The following KCNH8 variants were observed in gnomAD, a reference collection of about 807,000 sequenced individuals.
KCNH8 encodes the protein potassium voltage-gated channel subfamily H member 8.
KCNH8 carries 70 observed loss-of-function variants against 103.6 expected under a neutral mutation model. The observed-to-expected ratio is 0.68, with a 90% CI of 0.56 to 0.82. KCNH8 has a LOEUF of 0.82. KCNH8 is among the 40% of genes least tolerant of loss of function. KCNH8 has a pLI of 0.00. For synonymous variants in KCNH8, 498 were observed against 489.4 expected (o/e 1.02, Z -0.23); for missense variants, 1,217 against 1,329.9 (o/e 0.92, Z 1.32).
intron 11 of KCNH8, among the ~76,000 whole-genome samples, chr3:19,469,707 C>T (rs1347234120): frequency 2.0e-5 from 3 of 152,118 alleles, no homozygotes; most frequent in Non-Finnish European, 2.9e-5. Flanking sequence ...TGATTAGCAT[C>T]TCCCGAGCCT....
At chr3:19,210,790 T>A (rs973945106) in intron 1 of KCNH8, among the ~76,000 whole-genome samples, 93 of 152,240 alleles carry the variant, frequency 6.1e-4, no homozygotes, top group African/African-American at 2.1e-3. Flanking sequence ...AAATGAAGGA[T>A]GATGGTGAGA....
intron 5 of KCNH8, among the ~76,000 whole-genome samples, chr3:19,355,675 T>C (rs1171427659): frequency 2.6e-5 from 4 of 151,906 alleles, no homozygotes; most frequent in African/African-American, 9.7e-5. Context: ...TAGGTGGCAA[T>C]TGAACAATGA....
chr3:19,463,385 T>C (rs1358650922), intron 11 of KCNH8, among the ~76,000 whole-genome samples: 2 of 152,112 alleles, frequency 1.3e-5, no homozygotes, highest in African/African-American at 4.8e-5. Context: ...TGGAAGAATA[T>C]ATCCATAATG....
chr3:19,303,355 T>G lies in KCNH8; in HGVS notation c.442+22026T>G, dbSNP rs368767016. Among the ~76,000 whole-genome samples the G allele has an allele frequency of 9.2e-5, 14 of 152,240 alleles. 1 individual carries two copies. Among genetic ancestry groups the G allele is most frequent in the Admixed American group, 4.6e-4 (7 of 15,288 alleles). ...TAGAAAAGACAGTAAGAACAAAATT[T>G]TAGAAGCTGAAAAGCAAACAGATGA... On this transcript the variant is annotated intron_variant, in intron 3 of 15. Transcript: ENST00000328405.
intron 11 of KCNH8, among the ~76,000 whole-genome samples, chr3:19,506,829 T>G (rs1310837040): frequency 6.6e-6 from 1 of 152,016 alleles, no homozygotes; most frequent in Non-Finnish European, 1.5e-5. Flanking sequence ...GGACCCAAGC[T>G]GGGGGCACCC....
chr3:19,219,417 G>C (rs1343469071), intron 1 of KCNH8, among the ~76,000 whole-genome samples: 2 of 152,068 alleles, frequency 1.3e-5, no homozygotes, highest in East Asian at 1.9e-4. Context: ...CCTCTGAGGG[G>C]TCTTTGTCTT....
intron 2 of KCNH8, among the ~76,000 whole-genome samples, chr3:19,259,822 T>C (rs1179361010): frequency 6.6e-6 from 1 of 151,444 alleles, no homozygotes; most frequent in Non-Finnish European, 1.5e-5. Flanking sequence ...ACAGCAAAAA[T>C]AATTTATTTA....
intron 11 of KCNH8, among the ~76,000 whole-genome samples, chr3:19,500,944 A>T (rs1331405630): frequency 6.6e-6 from 1 of 152,184 alleles, no homozygotes; most frequent in African/African-American, 2.4e-5. Flanking sequence ...AACTGAAGGA[A>T]ATAGAGACAC....
intron 5 of KCNH8, among the ~76,000 whole-genome samples, chr3:19,354,414 C>T (rs149938239): frequency 0.098 from 14,938 of 152,148 alleles, 889 homozygotes; most frequent in East Asian, 0.17. Flanking sequence ...AAAGAGCCCG[C>T]ATTGCCAAGT....
chr3:19,278,054 G>A (rs991591192), intron 2 of KCNH8, among the ~76,000 whole-genome samples: 1 of 152,244 alleles, frequency 6.6e-6, no homozygotes, highest in Middle Eastern at 3.4e-3. Context: ...GTTGATCATT[G>A]TGCCCACAGG....
intron 7 of KCNH8, among the ~76,000 whole-genome samples, chr3:19,418,146 A>G (rs138216494): frequency 6.6e-6 from 1 of 152,332 alleles, no homozygotes; most frequent in African/African-American, 2.4e-5. Context: ...TCATCAGAGA[A>G]CATTTCAGGT....
intron 10 of KCNH8, among the ~76,000 whole-genome samples, chr3:19,453,160 G>T (rs968052489): frequency 2.0e-5 from 3 of 152,060 alleles, no homozygotes; most frequent in African/African-American, 7.2e-5. Context: ...GTGTACAGAT[G>T]GACATAGAGT....
chr3:19,292,619 C>T lies in KCNH8; in HGVS notation c.442+11290C>T, dbSNP rs575828064. The stretch of plus-strand genomic sequence containing the variant: ...TCATATTTCAAAGAGCATGGGACTG[C>T]GCAGCCCGTGGTTAGGAACAGTGGC... On this transcript the variant is annotated intron_variant, in intron 3 of 15. Coordinates refer to ENST00000328405, the MANE Select transcript of KCNH8 (RefSeq NM_144633.3). Among the ~76,000 whole-genome samples, 105 of 152,302 alleles carry T rather than the reference C, an allele frequency of 6.9e-4. 1 individual carries two copies. The South Asian group carries it at 0.022, about 32-fold the overall frequency.
chr3:19,255,378 G>T (rs1010747232), intron 2 of KCNH8, among the ~76,000 whole-genome samples: 2 of 152,128 alleles, frequency 1.3e-5, no homozygotes, highest in African/African-American at 2.4e-5. Context: ...AGACAATGGG[G>T]TTTTCTAGAT....
chr3:19,455,962 A>G (rs2067525936), intron 10 of KCNH8, among the ~76,000 whole-genome samples: 1 of 152,102 alleles, frequency 6.6e-6, no homozygotes, highest in Non-Finnish European at 1.5e-5. Context: ...CATTTTGGCT[A>G]TATTTACATC....
chr3:19,510,156 G>A (rs2068759183), intron 11 of KCNH8, among the ~76,000 whole-genome samples: 1 of 152,118 alleles, frequency 6.6e-6, no homozygotes, highest in Non-Finnish European at 1.5e-5. Flanking sequence ...AGTGGTCCTA[G>A]AGGATAGGAT....
intron 2 of KCNH8, among the ~76,000 whole-genome samples, chr3:19,274,616 A>G (rs1168304941): frequency 6.6e-6 from 1 of 152,088 alleles, no homozygotes; most frequent in African/African-American, 2.4e-5. Flanking sequence ...TGTATTGACT[A>G]AATCATGTCT....
At chr3:19,438,474 A>G (rs1415555110) in intron 8 of KCNH8, 113 bp downstream of exon 8, 1 of 885,092 alleles carries the variant, frequency 1.1e-6, no homozygotes, top group African/African-American at 1.7e-5. Flanking sequence ...ACACTGGAAG[A>G]TTCTAAAAGC....
intron 5 of KCNH8, among the ~76,000 whole-genome samples, chr3:19,372,785 C>T (rs911693607): frequency 5.9e-5 from 9 of 152,228 alleles, no homozygotes; most frequent in African/African-American, 1.9e-4. Flanking sequence ...AAATATGTCC[C>T]ATCAATACCG....
Sources: allele counts gnomAD v4.1 joint callset (sites outside exome capture counted in the v4.1 genomes callset), GRCh38; gene constraint gnomAD v4.1.1; transcripts MANE v1.5; gene names NCBI Gene and HGNC (gene_info 2026-07-23, HGNC 2026-07-21).